SMG7: variants seen among roughly 807,000 people sequenced by gnomAD.
SMG7 encodes the protein SMG7 nonsense mediated mRNA decay factor.
Under a neutral mutation model 148.2 loss-of-function variants are expected in SMG7, and 34 were observed. The observed-to-expected ratio is 0.23, with a 90% CI of 0.17 to 0.31. SMG7 has a LOEUF of 0.31. Among genes scored for constraint, SMG7 ranks in the 10% least tolerant of loss-of-function variants. The pLI is 1.00. For missense variants in SMG7, 1,114 were observed against 1,408.4 expected, an observed-to-expected ratio of 0.79 and a Z score of 3.35; for synonymous variants, 492 against 515.1, an observed-to-expected ratio of 0.96 and a Z score of 0.61.
chr1:183,481,082 A>G (rs1445866712), intron 1 of SMG7, among the ~76,000 whole-genome samples: 3 of 152,166 alleles, frequency 2.0e-5, no homozygotes, highest in Non-Finnish European at 4.4e-5. Context: ...GTCTTGAAAA[A>G]GTATTTGTAT....
chr1:183,531,840 A>T (rs563320295), intron 8 of SMG7, among the ~76,000 whole-genome samples: 1 of 152,178 alleles, frequency 6.6e-6, no homozygotes, highest in African/African-American at 2.4e-5. Flanking sequence ...TTATGCCAGT[A>T]TTATTTGAAT....
intron 9 of SMG7, 25 bp from the exon 10 acceptor site, chr1:183,533,651 T>C: frequency 6.3e-7 from 1 of 1,594,656 alleles, no homozygotes; most frequent in East Asian, 2.2e-5. Context: ...TTTCTTATGC[T>C]TTTTGAATAC....
intron 1 of SMG7, among the ~76,000 whole-genome samples, chr1:183,490,154 A>T (rs955147222): frequency 1.3e-4 from 20 of 152,250 alleles, no homozygotes; most frequent in African/African-American, 4.8e-4. Context: ...GGTCATTGGT[A>T]ACACTTGAGC....
intron 1 of SMG7, among the ~76,000 whole-genome samples, chr1:183,512,332 G>A (rs1233178162): frequency 6.6e-6 from 1 of 152,190 alleles, no homozygotes; most frequent in South Asian, 2.1e-4. Flanking sequence ...GAAGCAAGCT[G>A]TATAAATGTA....
chr1:183,507,384 ATT>A (rs941051809), intron 1 of SMG7, among the ~76,000 whole-genome samples: 1 of 151,546 alleles, frequency 6.6e-6, no homozygotes, highest in African/African-American at 2.4e-5. Context: ...AAACATTTCA[ATT>A]TTTTTTTCTT....
chr1:183,553,608 G>GCC lies in SMG7; in HGVS notation c.*1684_*1685dup, dbSNP rs3832026. The GCC allele has an allele frequency of 0.075, 9,191 of 121,886 alleles. 888 individuals are homozygous for GCC. Among genetic ancestry groups the GCC allele is most frequent in the East Asian group, 0.12 (394 of 3,356 alleles). 7.6% of individuals were successfully genotyped at this position (121,886 alleles called of 1,614,324 possible). A position where few individuals can be genotyped will look rare whatever the true frequency, so the allele number is the denominator to read the frequency against. On this transcript the variant is annotated 3_prime_UTR_variant, in exon 23 of 23. Coordinates refer to ENST00000688051, the MANE Select transcript of SMG7 (RefSeq NM_001375584.1). Reference sequence around the variant, plus strand: ...TTGCTCTTCAGAGAGAGTGGTTGGAGCCCCCCCCGCCCCGTATGCTTACAT... The same window carrying GCC: ...TTGCTCTTCAGAGAGAGTGGTTGGAGCCCCCCCCCCGCCCCGTATGCTTACAT...
intron 12 of SMG7, among the ~76,000 whole-genome samples, chr1:183,540,225 A>T (rs1446271125): frequency 6.6e-6 from 1 of 152,202 alleles, no homozygotes; most frequent in South Asian, 2.1e-4. Context: ...CAGCTCAGGT[A>T]TCACTCTATG....
At chr1:183,474,683 A>G (rs1490247986) in intron 1 of SMG7, among the ~76,000 whole-genome samples, 2 of 152,222 alleles carry the variant, frequency 1.3e-5, no homozygotes, top group South Asian at 2.1e-4. Context: ...TTGCTCATTC[A>G]TGTACTCATG....
At chr1:183,484,630 T>C (rs892564311) in intron 1 of SMG7, among the ~76,000 whole-genome samples, 1 of 152,124 alleles carries the variant, frequency 6.6e-6, no homozygotes, top group African/African-American at 2.4e-5. Context: ...ATTTCCTTTG[T>C]ATGAGGGTTA....
At position 183,501,377 on chromosome 1, in the gene SMG7, C is replaced by T. The variant is rs116986711; in HGVS notation, c.30-11460C>T. 1.8e-4 allele frequency: 28 copies of T among 152,286 alleles called. No individual in the cohort carries two copies. The East Asian group carries it at 5.4e-3, about 29-fold the overall frequency. The allele number at this position is 152,286 out of a possible 1,614,324, so 9.4% of individuals were successfully genotyped here. On this transcript the variant is annotated intron_variant, in intron 1 of 22. Transcript: ENST00000688051. The stretch of plus-strand genomic sequence containing the variant: ...TGGCAGAGCTTGGTTTGAACCTAGG[C>T]AGTTTGAATATAAGACATTCTTACT...
intron 4 of SMG7, among the ~76,000 whole-genome samples, chr1:183,522,652 G>A (rs2102533748): frequency 6.6e-6 from 1 of 152,156 alleles, no homozygotes; most frequent in East Asian, 1.9e-4. Flanking sequence ...AATTTATGGT[G>A]TCTTTGTATT....
chr1:183,550,092 GC>G, intron 20 of SMG7, 169 bp downstream of exon 20: 1 of 580,138 alleles, frequency 1.7e-6, no homozygotes, highest in Non-Finnish European at 2.9e-6. Flanking sequence ...AAAAGAAGAA[GC>G]CGGTTTATGT....
At position 183,553,328 on chromosome 1, in the gene SMG7, ATC is replaced by A; in HGVS notation, c.*1399_*1400del. The stretch of plus-strand genomic sequence containing the variant: ...ATTTTAAGGGGAAATTATGGAAACA[ATC>A]TAATTGTTCAATTGCTGTGCTAGTG... On this transcript the variant is annotated 3_prime_UTR_variant, in exon 23 of 23. Transcript: ENST00000688051. 1 of 1,014,596 alleles carries A rather than the reference ATC, an allele frequency of 9.9e-7. No individual in the cohort carries two copies. The highest frequency in any genetic ancestry group is 1.4e-6 in the Non-Finnish European group (1 of 713,080). 62.8% of individuals were successfully genotyped at this position (1,014,596 alleles called of 1,614,324 possible). A position where few individuals can be genotyped will look rare whatever the true frequency, so the allele number is the denominator to read the frequency against.
intron 2 of SMG7, among the ~76,000 whole-genome samples, chr1:183,513,964 A>C (rs1181831167): frequency 7.1e-6 from 1 of 140,714 alleles, no homozygotes; most frequent in Non-Finnish European, 1.5e-5. Context: ...GGGGAGGTGG[A>C]GGTTGCAGTG....
intron 12 of SMG7, 47 bp from the exon 13 acceptor site, chr1:183,540,937 A>G (rs1470207710): frequency 6.3e-7 from 1 of 1,599,430 alleles, no homozygotes; most frequent in African/African-American, 1.3e-5. Flanking sequence ...CCTGGAAAAT[A>G]TCTTTAGCAA....
rs80027945 is a variant in SMG7 at position 183,516,259 on chromosome 1, C to A, written c.179+268C>A. On this transcript the variant is annotated intron_variant, in intron 3 of 22. Coordinates refer to ENST00000688051, the MANE Select transcript of SMG7 (RefSeq NM_001375584.1). ...GGCCTGTCAAAAAAAACAAATATAT[C>A]TATTTCAAATACTAAGAGTGTTTGG... Among the ~76,000 whole-genome samples, 1,129 of 152,042 alleles carry A rather than the reference C, an allele frequency of 7.4e-3. 14 individuals are homozygous for A. The highest frequency in any genetic ancestry group is 0.026 in the African/African-American group (1,069 of 41,452).
chr1:183,549,657 T>TC (rs1670615153), intron 19 of SMG7, 107 bp from the exon 20 acceptor site: 1 of 840,952 alleles, frequency 1.2e-6, no homozygotes, highest in Non-Finnish European at 1.9e-6. Context: ...AAATTTCTCT[T>TC]CCTAAGAAAA....
At chr1:183,502,066 GAA>G (rs1659852747) in intron 1 of SMG7, among the ~76,000 whole-genome samples, 1 of 152,062 alleles carries the variant, frequency 6.6e-6, no homozygotes, top group Non-Finnish European at 1.5e-5. Flanking sequence ...GAATCTGTTA[GAA>G]ATATATGAGA....
chr1:183,490,935 G>A (rs527265772), intron 1 of SMG7, among the ~76,000 whole-genome samples: 2 of 152,126 alleles, frequency 1.3e-5, no homozygotes, highest in East Asian at 1.9e-4. Context: ...ACAGGCATGC[G>A]CCACCATGCC....
Sources: allele counts gnomAD v4.1 joint callset (sites outside exome capture counted in the v4.1 genomes callset), GRCh38; gene constraint gnomAD v4.1.1; transcripts MANE v1.5; gene names NCBI Gene and HGNC (gene_info 2026-07-23, HGNC 2026-07-21).